Variants in CYTL1 observed in about 807,000 individuals in gnomAD.
CYTL1 encodes the protein cytokine-like protein 1.
Under a neutral mutation model 13.1 loss-of-function variants are expected in CYTL1, and 17 were observed. The ratio of observed to expected loss-of-function variants is 1.29; its 90% CI spans 0.89 to 1.94. The LOEUF (loss-of-function observed/expected upper bound fraction) is 1.94, where lower values mean the gene tolerates loss of function less well. Among genes scored for constraint, CYTL1 ranks in the 30% most tolerant of loss-of-function variants. CYTL1 has a pLI of 0.00. For missense variants in CYTL1, 213 were observed against 174.8 expected, an observed-to-expected ratio of 1.22 and a Z score of -1.23; for synonymous variants, 91 against 79.4, an observed-to-expected ratio of 1.15 and a Z score of -0.78.
chr4:5,016,483 C>G (rs80238581), intron 3 of CYTL1, among the ~76,000 whole-genome samples: 23,402 of 152,070 alleles, frequency 0.15, 1,920 homozygotes, highest in Middle Eastern at 0.23. Flanking sequence ...GTCCTTTTAC[C>G]CTCTCCTACC....
chr4:5,018,193 A>G (rs575469102), intron 1 of CYTL1, among the ~76,000 whole-genome samples: 70 of 152,118 alleles, frequency 4.6e-4, no homozygotes, highest in Non-Finnish European at 9.0e-4. Context: ...TTTGACCCAA[A>G]TTTTGTTTAC....
chr4:5,018,986 C>T (rs1341856542), intron 1 of CYTL1, among the ~76,000 whole-genome samples: 3 of 139,614 alleles, frequency 2.1e-5, no homozygotes, highest in Non-Finnish European at 3.1e-5. Context: ...CCTCCCACTC[C>T]TTTTTTTTTC....
intron 1 of CYTL1, among the ~76,000 whole-genome samples, chr4:5,017,835 T>A (rs1741109022): frequency 6.6e-6 from 1 of 152,216 alleles, no homozygotes; most frequent in South Asian, 2.1e-4. Context: ...TATATTTCTA[T>A]ATTGGGCTTC....
At chr4:5,015,953 G>A (rs1338965188) in intron 3 of CYTL1, among the ~76,000 whole-genome samples, 1 of 152,200 alleles carries the variant, frequency 6.6e-6, no homozygotes, top group Admixed American at 6.5e-5. Flanking sequence ...TCAGAGGAGT[G>A]AAGGGACACT....
intron 3 of CYTL1, among the ~76,000 whole-genome samples, chr4:5,015,701 T>A (rs1200852005): frequency 6.6e-6 from 1 of 152,186 alleles, no homozygotes; most frequent in Non-Finnish European, 1.5e-5. Flanking sequence ...GGAAAATTCA[T>A]AACACATCTT....
intron 2 of CYTL1, 81 bp downstream of exon 2, chr4:5,017,054 T>A: frequency 1.2e-6 from 2 of 1,606,894 alleles, no homozygotes; most frequent in Non-Finnish European, 1.7e-6. Context: ...TCCCTGACTC[T>A]GTGCCACACA....
Position 5,014,895 on chromosome 4 carries a change from C to T in CYTL1, c.*256G>A. On this transcript the variant is annotated 3_prime_UTR_variant, in exon 4 of 4. Coordinates refer to ENST00000307746, the MANE Select transcript of CYTL1 (RefSeq NM_018659.3). ...TAGTCCTTTTCTTCTTTTTAGTGAC[C>T]AAATCAACATGCTGTGTATCTAACC... 2.2e-6 allele frequency: 1 copy of T among 450,262 alleles called. No homozygotes were observed. The highest frequency in any genetic ancestry group is 4.0e-6 in the Non-Finnish European group (1 of 250,776). 27.9% of individuals were successfully genotyped at this position (450,262 alleles called of 1,614,324 possible).
At chr4:5,018,229 G>A (rs962883433) in intron 1 of CYTL1, among the ~76,000 whole-genome samples, 4 of 152,070 alleles carry the variant, frequency 2.6e-5, no homozygotes, top group African/African-American at 9.7e-5. Context: ...CAACACACAC[G>A]TATTTGAATA....
At position 5,019,059 on chromosome 4, in the gene CYTL1, A is replaced by C. The variant is rs1438392091; in HGVS notation, c.153+234T>G. Reference sequence around the variant, plus strand: ...TACAACAGATCCTTTGATATTTGCTAGTAAGTCACAAAAATTGTGTTGTCT... The same window carrying C: ...TACAACAGATCCTTTGATATTTGCTCGTAAGTCACAAAAATTGTGTTGTCT... On this transcript the variant is annotated intron_variant, in intron 1 of 3. Coordinates refer to ENST00000307746, the MANE Select transcript of CYTL1 (RefSeq NM_018659.3). Among the ~76,000 whole-genome samples the C allele has an allele frequency of 4.0e-5, 4 of 98,942 alleles. No homozygotes were observed. In the South Asian group the frequency reaches 1.2e-3, roughly 30 times the overall value. 64.9% of individuals were successfully genotyped at this position (98,942 alleles called of 152,430 possible). A position where few individuals can be genotyped will look rare whatever the true frequency, so the allele number is the denominator to read the frequency against.
intron 1 of CYTL1, among the ~76,000 whole-genome samples, chr4:5,018,745 C>T (rs1185505571): frequency 1.3e-5 from 2 of 152,138 alleles, no homozygotes; most frequent in African/African-American, 4.8e-5. Flanking sequence ...TGCCTTTGAT[C>T]GTCAAAGCCA....
chr4:5,016,070 G>T (rs1439220143), intron 3 of CYTL1, among the ~76,000 whole-genome samples: 1 of 152,158 alleles, frequency 6.6e-6, no homozygotes, highest in African/African-American at 2.4e-5. Context: ...GATTAATGAG[G>T]GCTCTGCCCT....
At position 5,019,337 on chromosome 4, in the gene CYTL1, C is replaced by G; in HGVS notation, c.109G>C (p.Glu37Gln). ...CYSRMRALSQEITRDFNLLQV... is the reference protein window; with the variant it reads ...CYSRMRALSQQITRDFNLLQV... Reference sequence around the variant, plus strand: ...AGGAGGTTGAAGTCGCGGGTGATCTCCTGGCTCAGGGCCCGCATGCGGGAG... The same window carrying G: ...AGGAGGTTGAAGTCGCGGGTGATCTGCTGGCTCAGGGCCCGCATGCGGGAG... The change falls in exon 1 of 4, where the codon GAG becomes CAG. Residue 37 changes from glutamate (E) to glutamine (Q), a missense_variant. Coordinates refer to ENST00000307746, the MANE Select transcript of CYTL1 (RefSeq NM_018659.3). 6.6e-7 allele frequency: 1 copy of G among 1,512,416 alleles called. No individual in the cohort carries two copies. Among genetic ancestry groups the G allele is most frequent in the Non-Finnish European group, 8.8e-7 (1 of 1,136,280 alleles). The allele number at this position is 1,512,416 out of a possible 1,614,324, so 93.7% of individuals were successfully genotyped here.
chr4:5,015,134 C>T lies in CYTL1; in HGVS notation c.*17G>A. The stretch of plus-strand genomic sequence containing the variant: ...TAACTGTAGTTCTCTTGGGTTCTTT[C>T]TCTGGTCTCAGTTCCCTTAGCGCTG... On this transcript the variant is annotated 3_prime_UTR_variant, in exon 4 of 4. Transcript: ENST00000307746. The T allele has an allele frequency of 6.2e-7, 1 of 1,611,192 alleles. No homozygotes were observed. The highest frequency in any genetic ancestry group is 1.1e-5 in the South Asian group (1 of 90,778).
chr4:5,017,596 A>G, intron 1 of CYTL1, among the ~76,000 whole-genome samples: 1 of 150,812 alleles, frequency 6.6e-6, no homozygotes, highest in Non-Finnish European at 1.5e-5. Flanking sequence ...CAGTTGTATA[A>G]GTTAGTTATA....
At chr4:5,017,989 G>T (rs1015766292) in intron 1 of CYTL1, among the ~76,000 whole-genome samples, 2 of 152,068 alleles carry the variant, frequency 1.3e-5, no homozygotes, top group African/African-American at 4.8e-5. Context: ...CTTTCTTCCC[G>T]CTCTGTGGTT....
chr4:5,019,003 C>CT (rs1186542271), intron 1 of CYTL1, among the ~76,000 whole-genome samples: 5,944 of 89,674 alleles, frequency 0.066, 195 homozygotes, highest in East Asian at 0.12. Context: ...TTTCTTTTTT[C>CT]TTTTTTTTTT....
chr4:5,019,318 T>C lies in CYTL1; in HGVS notation c.128A>G (p.Asn43Ser). The C allele has an allele frequency of 1.3e-6, 2 of 1,496,882 alleles. No homozygotes were observed. Among genetic ancestry groups the C allele is most frequent in the South Asian group, 2.7e-5 (2 of 75,012 alleles). 92.7% of individuals were successfully genotyped at this position (1,496,882 alleles called of 1,614,324 possible). Residue 43 changes from asparagine to serine, a missense_variant, in exon 1 of 4, where the codon AAC becomes AGC. Coordinates refer to ENST00000307746, the MANE Select transcript of CYTL1 (RefSeq NM_018659.3). ...CGAGGGCTCCGAGACCTGCAGGAGG[T>C]TGAAGTCGCGGGTGATCTCCTGGCT... ...ALSQEITRDF[N>S]LLQVSEPSEP...
chr4:5,016,884 C>G lies in CYTL1; in HGVS notation c.279G>C (p.Lys93Asn), dbSNP rs766198113. 4.4e-5 allele frequency: 71 copies of G among 1,614,230 alleles called. 1 individual carries two copies. In the East Asian group the frequency reaches 1.6e-3, roughly 36 times the overall value. ...CWKVAQVDSL[K>N]DKARKLYTIM... ...TGGTGTACAGCTTCCGTGCTTTGTC[C>G]TTCAAGGAATCTACCTGGGCCACTT... The change falls in exon 3 of 4, where the codon AAG (lysine) becomes AAC (asparagine). Residue 93 changes from lysine to asparagine, a missense_variant. Lys to Asn is a moderately conservative substitution (Grantham distance 94). Coordinates refer to ENST00000307746, the MANE Select transcript of CYTL1 (RefSeq NM_018659.3).
Position 5,016,918 on chromosome 4 carries a change from G to A in CYTL1, c.245C>T (p.Pro82Leu), listed in dbSNP as rs748175081. The change falls in exon 3 of 4, where the codon CCG (proline) becomes CTG (leucine). Residue 82 changes from proline to leucine, a missense_variant. By Grantham distance (98) the Pro-to-Leu change is moderately conservative. Transcript: ENST00000307746. ...ATCTACCTGGGCCACTTTCCAACACGGGGGCGAGGCCACAAAGTCCCGCAG... is the reference window on the plus strand; with the variant it reads ...ATCTACCTGGGCCACTTTCCAACACAGGGGCGAGGCCACAAAGTCCCGCAG... ...DKLRDFVASP[P>L]CWKVAQVDSL... 3.2e-5 allele frequency: 51 copies of A among 1,614,020 alleles called. No homozygotes were observed. Among genetic ancestry groups the A allele is most frequent in the Admixed American group, 1.2e-4 (7 of 59,990 alleles).
Sources: gnomAD v4.1 joint callset for allele counts (sites outside exome capture counted in the v4.1 genomes callset) on GRCh38, gnomAD v4.1.1 for gene constraint, MANE v1.5 for transcripts, NCBI Gene and HGNC (gene_info 2026-07-23, HGNC 2026-07-21) for gene names.